SYCP2L: variants seen among roughly 807,000 people sequenced by gnomAD.
The protein encoded by SYCP2L is synaptonemal complex protein 2-like.
SYCP2L carries 98 observed loss-of-function variants against 125.8 expected under a neutral mutation model. The ratio of observed to expected loss-of-function variants is 0.78; its 90% CI spans 0.66 to 0.92. The LOEUF is 0.92. Among genes scored for constraint, SYCP2L ranks in the 40% least tolerant of loss-of-function variants. SYCP2L has a pLI of 0.00. For missense variants in SYCP2L, 842 were observed against 936.4 expected, an observed-to-expected ratio of 0.90 and a Z score of 1.32; for synonymous variants, 317 against 325.4, an observed-to-expected ratio of 0.97 and a Z score of 0.28.
chr6:10,889,945 T>C (rs1331471846), intron 1 of SYCP2L, among the ~76,000 whole-genome samples: 1 of 152,152 alleles, frequency 6.6e-6, no homozygotes, highest in Non-Finnish European at 1.5e-5. Context: ...AGCCTCTACA[T>C]GTGATCAAGA....
At chr6:10,917,988 C>G (rs1183394880) in intron 14 of SYCP2L, among the ~76,000 whole-genome samples, 1 of 152,088 alleles carries the variant, frequency 6.6e-6, no homozygotes, top group Non-Finnish European at 1.5e-5. Flanking sequence ...TCCCTTCTAG[C>G]TTGTAGGATT....
At chr6:10,967,710 A>G (rs757973153) in intron 29 of SYCP2L, among the ~76,000 whole-genome samples, 7 of 152,206 alleles carry the variant, frequency 4.6e-5, no homozygotes, top group Non-Finnish European at 1.0e-4. Flanking sequence ...TTAGAAAACT[A>G]GGGATAGAAT....
chr6:10,925,690 A>G (rs1335995117), intron 15 of SYCP2L, among the ~76,000 whole-genome samples: 1 of 152,124 alleles, frequency 6.6e-6, no homozygotes, highest in Non-Finnish European at 1.5e-5. Flanking sequence ...AGTTTCTAAA[A>G]ACTCACCTTA....
chr6:10,905,212 G>A (rs1341419246), intron 8 of SYCP2L, among the ~76,000 whole-genome samples: 1 of 149,234 alleles, frequency 6.7e-6, no homozygotes, highest in East Asian at 2.0e-4. Context: ...GAAATTCTGA[G>A]TGAATATACA....
chr6:10,917,379 C>T (rs575092453), intron 14 of SYCP2L, among the ~76,000 whole-genome samples: 2 of 152,142 alleles, frequency 1.3e-5, no homozygotes, highest in Non-Finnish European at 2.9e-5. Flanking sequence ...TTGGACAAGG[C>T]CTTTTATCAT....
intron 15 of SYCP2L, among the ~76,000 whole-genome samples, chr6:10,924,992 G>C (rs1157638449): frequency 1.3e-5 from 2 of 152,104 alleles, no homozygotes; most frequent in African/African-American, 2.4e-5. Flanking sequence ...CTGGACCTAG[G>C]GGGAGTGTAT....
chr6:10,903,074 T>C (rs991574180), intron 8 of SYCP2L, 111 bp downstream of exon 8: 2 of 873,024 alleles, frequency 2.3e-6, no homozygotes, highest in South Asian at 3.1e-5. Context: ...CTCTCTTGGG[T>C]AAATGCTTTG....
chr6:10,903,862 G>A (rs1452201242), intron 8 of SYCP2L, among the ~76,000 whole-genome samples: 2 of 151,924 alleles, frequency 1.3e-5, no homozygotes, highest in Non-Finnish European at 2.9e-5. Context: ...GAGGCAAAAT[G>A]TTTTCTCAGG....
chr6:10,888,430 A>G lies in SYCP2L; in HGVS notation c.9+1295A>G, dbSNP rs549541256. On this transcript the variant is annotated intron_variant, in intron 1 of 29. Transcript: ENST00000283141. ...TTTTTAAATGAGGAGACTGAATCTC[A>G]GAGAATCTAACGATCTTTTCTGCCT... Among the ~76,000 whole-genome samples, 9 of 152,212 alleles carry G rather than the reference A, an allele frequency of 5.9e-5. No homozygotes were observed. The East Asian group carries it at 1.7e-3, about 29-fold the overall frequency.
chr6:10,917,853 C>T (rs920567151), intron 14 of SYCP2L, among the ~76,000 whole-genome samples: 2 of 152,144 alleles, frequency 1.3e-5, no homozygotes, highest in African/African-American at 4.8e-5. Flanking sequence ...GTGGCAAATT[C>T]TCTCAGCATT....
At position 10,926,341 on chromosome 6, in the gene SYCP2L, G is replaced by A. The variant is rs1780896427; in HGVS notation, c.1221G>A (p.Met407Ile). Residue 407 changes from methionine to isoleucine, a missense_variant and splice_region_variant, in exon 16 of 30, where the codon ATG becomes ATA. By Grantham distance (10) the Met-to-Ile change is conservative. Coordinates refer to ENST00000283141, the MANE Select transcript of SYCP2L (RefSeq NM_001040274.3). ...SIQALGEDKQ[M>I]LPDQTKISSE... is the part of the protein sequence containing the mutation. Reference sequence around the variant, plus strand: ...TTGACCTTTGTCTTGCATTTCAGATGTTGCCTGACCAGACGAAAATCTCCT... The same window carrying A: ...TTGACCTTTGTCTTGCATTTCAGATATTGCCTGACCAGACGAAAATCTCCT... 1.9e-6 allele frequency: 3 copies of A among 1,610,414 alleles called. No individual in the cohort carries two copies. The highest frequency in any genetic ancestry group is 2.5e-6 in the Non-Finnish European group (3 of 1,177,918).
chr6:10,903,354 C>A (rs1405933311), intron 8 of SYCP2L, among the ~76,000 whole-genome samples: 1 of 152,160 alleles, frequency 6.6e-6, no homozygotes, highest in Non-Finnish European at 1.5e-5. Context: ...CGAGACCATC[C>A]TGGCTAACAC....
intron 6 of SYCP2L, among the ~76,000 whole-genome samples, chr6:10,899,650 CTA>C (rs1780345243): frequency 6.6e-6 from 1 of 152,210 alleles, no homozygotes; most frequent in Non-Finnish European, 1.5e-5. Flanking sequence ...TGTCATTTTT[CTA>C]TGTTACATGT....
rs1279654911 is a variant in SYCP2L, at chr6:10,891,611, CTCTGTGTGTGTGTGTGTGTG to C, written c.78+32_78+51del. On this transcript the variant is annotated intron_variant, in intron 2 of 29. Coordinates refer to ENST00000283141, the MANE Select transcript of SYCP2L (RefSeq NM_001040274.3). ...AGATCAAGTTTCTTTTATAATCTCTCTCTGTGTGTGTGTGTGTGTGTGTGTGTGTGTGTGTGTGTGTGTGT... is the reference window on the plus strand; with the variant it reads ...AGATCAAGTTTCTTTTATAATCTCTCTGTGTGTGTGTGTGTGTGTGTGTGT... 90 of 130,338 alleles carry C rather than the reference CTCTGTGTGTGTGTGTGTGTG, an allele frequency of 6.9e-4. 1 individual carries two copies. The East Asian group carries it at 0.018, about 26-fold the overall frequency. 8.1% of individuals were successfully genotyped at this position (130,338 alleles called of 1,614,324 possible). A position where few individuals can be genotyped will look rare whatever the true frequency, so the allele number is the denominator to read the frequency against.
intron 23 of SYCP2L, among the ~76,000 whole-genome samples, chr6:10,952,802 T>C (rs1279100447): frequency 6.6e-6 from 1 of 152,184 alleles, no homozygotes; most frequent in East Asian, 1.9e-4. Flanking sequence ...TCTTTTTTTT[T>C]ATTTTTAAAA....
Position 10,954,695 on chromosome 6 carries a change from T to C in SYCP2L, c.1955-421T>C, listed in dbSNP as rs1781469802. Among the ~76,000 whole-genome samples the C allele has an allele frequency of 6.6e-6, 1 of 152,236 alleles. No homozygotes were observed. Among genetic ancestry groups the C allele is most frequent in the African/African-American group, 2.4e-5 (1 of 41,470 alleles). ...GACGTAGCCTTCAGCATAGCGCCGA[T>C]GTGCCCGTGTCACCAGCAGATGGCG... On this transcript the variant is annotated intron_variant, in intron 23 of 29. Coordinates refer to ENST00000283141, the MANE Select transcript of SYCP2L (RefSeq NM_001040274.3). This position sits in a 1 kb window ranked among gnomAD's most constrained non-coding sequence, Gnocchi z 4.8.
In SYCP2L at chr6:10,960,294, T is replaced by C. The variant is rs113487294; in HGVS notation, c.2256-1011T>C. Among the ~76,000 whole-genome samples the C allele has an allele frequency of 6.1e-3, 925 of 152,318 alleles. 2 individuals carry two copies. The highest frequency in any genetic ancestry group is 0.012 in the African/African-American group (508 of 41,566). ...TTTTCAAAGTCTGGTGTGCATGCAATGTCCTTTGAATGTCAAAGCAAGCCC... is the reference window on the plus strand; with the variant it reads ...TTTTCAAAGTCTGGTGTGCATGCAACGTCCTTTGAATGTCAAAGCAAGCCC... On this transcript the variant is annotated intron_variant, in intron 26 of 29. Coordinates refer to ENST00000283141, the MANE Select transcript of SYCP2L (RefSeq NM_001040274.3).
chr6:10,929,369 CTACAG>C (rs1780952557), intron 18 of SYCP2L, among the ~76,000 whole-genome samples: 1 of 152,162 alleles, frequency 6.6e-6, no homozygotes, highest in Admixed American at 6.5e-5. Context: ...CAGCTGAATG[CTACAG>C]CCCCTTAAGA....
At chr6:10,926,270 G>A (rs1042443372) in intron 15 of SYCP2L, 69 bp from the exon 16 acceptor site, 24 of 1,171,356 alleles carry the variant, frequency 2.0e-5, no homozygotes, top group South Asian at 1.2e-4. Context: ...TAAGCTTTAC[G>A]TTTTCCTTAA....
Sources: allele counts gnomAD v4.1 joint callset (sites outside exome capture counted in the v4.1 genomes callset), GRCh38; gene constraint gnomAD v4.1.1; non-coding constraint Gnocchi (gnomAD v3.1); transcripts MANE v1.5; gene names NCBI Gene and HGNC (gene_info 2026-07-23, HGNC 2026-07-21).